WASHC5: variants seen among roughly 807,000 people sequenced by gnomAD.
WASHC5 encodes the protein WASH complex subunit strumpellin.
WASHC5 carries 101 observed loss-of-function variants against 150.4 expected under a neutral mutation model. That is an observed-to-expected ratio of 0.67 (90% CI 0.57 to 0.79). The LOEUF (loss-of-function observed/expected upper bound fraction) is 0.79, where lower values mean the gene tolerates loss of function less well. WASHC5 is among the 30% of genes least tolerant of loss of function. The pLI is 0.00. For missense variants in WASHC5, 1,195 were observed against 1,396.3 expected (o/e 0.86, Z 2.30); for synonymous variants, 467 against 491.2 (o/e 0.95, Z 0.65).
At chr8:125,083,619 CAT>C (rs1463857666) in intron 2 of WASHC5, 92 bp downstream of exon 2, 23 of 1,005,110 alleles carry the variant, frequency 2.3e-5, no homozygotes, top group Non-Finnish European at 3.3e-5. Context: ...TAGCTTTTTC[CAT>C]AATTCCTTAA....
At chr8:125,084,058 G>A in intron 1 of WASHC5, 36 bp from the exon 2 acceptor site, 5 of 703,768 alleles carry the variant, frequency 7.1e-6, no homozygotes, top group Non-Finnish European at 2.5e-6. Flanking sequence ...ATCTCAATTT[G>A]TTTAAGGAAG....
chr8:125,058,394 G>T (rs564697302), intron 14 of WASHC5, among the ~76,000 whole-genome samples: 2 of 151,308 alleles, frequency 1.3e-5, no homozygotes, highest in Middle Eastern at 3.5e-3. Context: ...TCACTCCCAC[G>T]TCCCAAAAAA....
At position 125,078,767 on chromosome 8, in the gene WASHC5, G is replaced by A. The variant is rs754463353; in HGVS notation, c.682C>T (p.Arg228Ter). Reference protein sequence around the residue: ...NESFISMVIGRLRSDDIYNQV... With the variant: ...NESFISMVIG ...TTGTAAATATCATCAGATCTCAGTC[G>A]ACCAATGACCATACTGATGAAGGAT... Residue 228 changes from arginine to a stop codon, truncating the protein, a stop_gained, in exon 6 of 29, where the codon CGA becomes TGA. Coordinates refer to ENST00000318410, the MANE Select transcript of WASHC5 (RefSeq NM_014846.4). LOFTEE classifies it high-confidence loss of function. 5 of 1,613,686 alleles carry A rather than the reference G, an allele frequency of 3.1e-6. No homozygotes were observed. Among genetic ancestry groups the A allele is most frequent in the Non-Finnish European group, 4.2e-6 (5 of 1,179,726 alleles).
At chr8:125,072,076 C>G (rs1816912259) in intron 9 of WASHC5, among the ~76,000 whole-genome samples, 1 of 152,012 alleles carries the variant, frequency 6.6e-6, no homozygotes, top group East Asian at 1.9e-4. Flanking sequence ...CATGGTGGCT[C>G]AGACCTATAA....
chr8:125,080,367 T>C (rs1319471043), intron 5 of WASHC5, among the ~76,000 whole-genome samples: 5 of 152,200 alleles, frequency 3.3e-5, no homozygotes, highest in Admixed American at 2.6e-4. Flanking sequence ...TTTAAAAACA[T>C]GGATGTTAAA....
chr8:125,026,616 A>AT (rs1815385338), intron 28 of WASHC5, among the ~76,000 whole-genome samples: 1 of 152,018 alleles, frequency 6.6e-6, no homozygotes, highest in Admixed American at 6.6e-5. Flanking sequence ...CTAAGTTGCT[A>AT]TTTTTTTAAC....
At chr8:125,079,054 A>G in intron 5 of WASHC5, 124 bp from the exon 6 acceptor site, 1 of 711,464 alleles carries the variant, frequency 1.4e-6, no homozygotes, top group Non-Finnish European at 2.4e-6. Context: ...TCACAGGTCC[A>G]TCTATATCCT....
intron 9 of WASHC5, among the ~76,000 whole-genome samples, chr8:125,068,927 T>G (rs1816825894): frequency 6.6e-6 from 1 of 152,270 alleles, no homozygotes; most frequent in African/African-American, 2.4e-5. Context: ...AATATTGATA[T>G]TTGCTTAGAT....
intron 17 of WASHC5, among the ~76,000 whole-genome samples, chr8:125,054,691 C>T (rs1486032865): frequency 1.3e-5 from 2 of 151,920 alleles, no homozygotes; most frequent in Non-Finnish European, 2.9e-5. Flanking sequence ...TGGTGGTGGG[C>T]GCCTGTAGTC....
chr8:125,042,693 T>C (rs1050081452), intron 23 of WASHC5, among the ~76,000 whole-genome samples: 4 of 152,098 alleles, frequency 2.6e-5, no homozygotes, highest in Admixed American at 1.3e-4. Context: ...CAAACTCGGG[T>C]GATTCTTTAT....
At chr8:125,036,061 C>G (rs1454193758) in intron 26 of WASHC5, among the ~76,000 whole-genome samples, 4 of 152,176 alleles carry the variant, frequency 2.6e-5, no homozygotes, top group African/African-American at 9.7e-5. Flanking sequence ...AGAGAACAGA[C>G]ATATTGAAAG....
chr8:125,077,866 C>T (rs1817111200), intron 6 of WASHC5, among the ~76,000 whole-genome samples: 1 of 152,070 alleles, frequency 6.6e-6, no homozygotes, highest in East Asian at 1.9e-4. Context: ...GGAGACCTGG[C>T]ATCTGTGGGT....
At chr8:125,040,546 T>C (rs1815855486) in intron 23 of WASHC5, 1 of 154,786 alleles carries the variant, frequency 6.5e-6, no homozygotes, top group African/African-American at 2.4e-5. Flanking sequence ...GTTCCCATAA[T>C]CCCCATGTGT....
At position 125,091,727 on chromosome 8, in the gene WASHC5, C is replaced by G. The variant is rs993123748; in HGVS notation, c.-237G>C. 3 of 152,378 alleles carry G rather than the reference C, an allele frequency of 2.0e-5. No homozygotes were observed. The highest frequency in any genetic ancestry group is 2.9e-5 in the Non-Finnish European group (2 of 68,158). 9.4% of individuals were successfully genotyped at this position (152,378 alleles called of 1,614,324 possible). On this transcript the variant is annotated 5_prime_UTR_variant, in exon 1 of 29. Coordinates refer to ENST00000318410, the MANE Select transcript of WASHC5 (RefSeq NM_014846.4). Reference sequence around the variant, plus strand: ...GGCGGTCCTCTTCTATCCGCAGTCCCGGACCTGGAGCGGGTCAGACCCCGA... The same window carrying G: ...GGCGGTCCTCTTCTATCCGCAGTCCGGGACCTGGAGCGGGTCAGACCCCGA...
At chr8:125,043,018 T>C (rs567476501) in intron 23 of WASHC5, among the ~76,000 whole-genome samples, 1 of 152,334 alleles carries the variant, frequency 6.6e-6, no homozygotes, top group Admixed American at 6.5e-5. Context: ...ATTCTAGACT[T>C]TTCTACAGTA....
intron 28 of WASHC5, among the ~76,000 whole-genome samples, chr8:125,025,478 A>C (rs1815352187): frequency 6.6e-6 from 1 of 152,158 alleles, no homozygotes; most frequent in Non-Finnish European, 1.5e-5. Flanking sequence ...TCATGAGGTC[A>C]GGAGTTCAAG....
chr8:125,073,097 G>T, intron 9 of WASHC5, 56 bp downstream of exon 9: 1 of 1,562,264 alleles, frequency 6.4e-7, no homozygotes, highest in South Asian at 1.1e-5. Flanking sequence ...AGTAGGTCCT[G>T]ATTCTGAGAG....
In WASHC5 at chr8:125,044,227, A is replaced by G. The variant is rs887743955; in HGVS notation, c.2668-133T>C. On this transcript the variant is annotated intron_variant, in intron 21 of 28. Coordinates refer to ENST00000318410, the MANE Select transcript of WASHC5 (RefSeq NM_014846.4). ...CAAAACCTCTAAACAGGATGACAGC[A>G]AAAAGAAGCAACTTCAGGTTCCTGT... The G allele has an allele frequency of 1.1e-5, 8 of 726,224 alleles. No individual in the cohort carries two copies. The African/African-American group carries it at 1.4e-4, about 13-fold the overall frequency. 45.0% of individuals were successfully genotyped at this position (726,224 alleles called of 1,614,324 possible). A position where few individuals can be genotyped will look rare whatever the true frequency, so the allele number is the denominator to read the frequency against.
chr8:125,062,327 T>A (rs1188042245), intron 11 of WASHC5, among the ~76,000 whole-genome samples: 5 of 152,198 alleles, frequency 3.3e-5, no homozygotes, highest in African/African-American at 9.7e-5. Flanking sequence ...TGAAAGTATG[T>A]CCTAAGCTGT....
Sources: allele counts gnomAD v4.1 joint callset (sites outside exome capture counted in the v4.1 genomes callset), GRCh38; gene constraint gnomAD v4.1.1; transcripts MANE v1.5; gene names NCBI Gene and HGNC (gene_info 2026-07-23, HGNC 2026-07-21).